Variants in DCAF6 observed in about 807,000 individuals in gnomAD.
The protein encoded by DCAF6 is DDB1- and CUL4-associated factor 6.
DCAF6 carries 54 observed loss-of-function variants against 125.1 expected under a neutral mutation model. That is an observed-to-expected ratio of 0.43 (90% CI 0.35 to 0.54). The LOEUF (loss-of-function observed/expected upper bound fraction) is 0.54. Ranked by LOEUF, DCAF6 falls within the 20% of genes least tolerant of loss-of-function variation. DCAF6 has a pLI of 0.01. For missense variants in DCAF6, 934 were observed against 1,161.7 expected (o/e 0.80, Z 2.85); for synonymous variants, 371 against 390.4 (o/e 0.95, Z 0.58).
the DCAF6 span, among the ~76,000 whole-genome samples, chr1:167,865,797 G>T: frequency 1.3e-5 from 2 of 152,190 alleles, no homozygotes; most frequent in Non-Finnish European, 2.9e-5. Context: ...TGTTATGCTT[G>T]TGCACATGGC....
chr1:167,991,479 T>A, intron 6 of DCAF6, 140 bp downstream of exon 6: 5 of 866,656 alleles, frequency 5.8e-6, no homozygotes, highest in Non-Finnish European at 8.1e-6. Context: ...TTATAAAAAA[T>A]AACATTTCAC....
At chr1:167,893,968 C>T in the DCAF6 span, 24 of 1,571,380 alleles carry the variant, frequency 1.5e-5, no homozygotes, top group Non-Finnish European at 2.1e-5. Flanking sequence ...AGGGTGCAGG[C>T]TCAGAGAGGG....
chr1:167,901,874 T>C, the DCAF6 span: 1 of 1,612,148 alleles, frequency 6.2e-7, no homozygotes, highest in Admixed American at 1.7e-5. Flanking sequence ...ATGAGATCTG[T>C]ATAGAAACTT....
At chr1:168,068,139 A>G (rs1692580525) in intron 20 of DCAF6, among the ~76,000 whole-genome samples, 1 of 152,174 alleles carries the variant, frequency 6.6e-6, no homozygotes. Flanking sequence ...TTTTTCTGCC[A>G]TTTGAAAGAG....
chr1:167,965,977 C>G (rs1676357970), intron 2 of DCAF6, among the ~76,000 whole-genome samples: 1 of 152,132 alleles, frequency 6.6e-6, no homozygotes, highest in Admixed American at 6.5e-5. Context: ...CTTTCTGAAC[C>G]TCCAACAATT....
At chr1:167,925,442 CATATATATATATATAT>C in the DCAF6 span, among the ~76,000 whole-genome samples, 65 of 82,478 alleles carry the variant, frequency 7.9e-4, 1 homozygote, top group African/African-American at 1.1e-3. Context: ...TACATATACA[CATATATATATATATAT>C]ATATATATAT....
intron 4 of DCAF6, among the ~76,000 whole-genome samples, chr1:167,981,438 G>A (rs925718293): frequency 3.9e-5 from 6 of 152,036 alleles, no homozygotes; most frequent in Non-Finnish European, 8.8e-5. Context: ...AGGTAGTATT[G>A]CATGAGGCTG....
chr1:167,966,572 T>A, intron 2 of DCAF6, 57 bp from the exon 3 acceptor site: 1 of 1,106,792 alleles, frequency 9.0e-7, no homozygotes, highest in Non-Finnish European at 1.4e-6. Flanking sequence ...GAGTGAAAGA[T>A]GGCATATTTT....
chr1:167,929,932 C>A, the DCAF6 span, among the ~76,000 whole-genome samples: 1 of 152,116 alleles, frequency 6.6e-6, no homozygotes, highest in Non-Finnish European at 1.5e-5. Flanking sequence ...CTTTTTAACA[C>A]CCCTCTTAAT....
At chr1:168,052,838 C>A (rs1558033961) in intron 17 of DCAF6, among the ~76,000 whole-genome samples, 1 of 152,154 alleles carries the variant, frequency 6.6e-6, no homozygotes, top group Non-Finnish European at 1.5e-5. Context: ...TGAGGGAGTT[C>A]TCCAACTCCT....
In DCAF6 at chr1:167,959,060, T is replaced by C. The variant is rs1557892476; in HGVS notation, c.159+7199T>C. ...ATTTATCACCCACCTTCTGAACTCCTGATGACCACTGATCTTTTTATAGTC... is the reference window on the plus strand; with the variant it reads ...ATTTATCACCCACCTTCTGAACTCCCGATGACCACTGATCTTTTTATAGTC... On this transcript the variant is annotated intron_variant, in intron 2 of 21. Coordinates refer to ENST00000367840, the MANE Select transcript of DCAF6 (RefSeq NM_001198956.2). Among the ~76,000 whole-genome samples the C allele has an allele frequency of 2.6e-5, 4 of 152,362 alleles. No homozygotes were observed. The South Asian group carries it at 8.3e-4, about 32-fold the overall frequency.
At chr1:168,058,325 G>A (rs956509203) in intron 17 of DCAF6, among the ~76,000 whole-genome samples, 17 of 152,270 alleles carry the variant, frequency 1.1e-4, no homozygotes, top group African/African-American at 4.1e-4. Flanking sequence ...TATATACCAA[G>A]GAATGGACCA....
At chr1:168,015,753 T>C (rs1476928985) in intron 10 of DCAF6, 28 bp from the exon 11 acceptor site, 1 of 1,428,638 alleles carries the variant, frequency 7.0e-7, no homozygotes, top group East Asian at 2.7e-5. Context: ...TTACTGTCTT[T>C]TCACCTTTCT....
chr1:168,038,557 C>G (rs1688121699), intron 13 of DCAF6, 69 bp downstream of exon 13: 2 of 1,108,314 alleles, frequency 1.8e-6, no homozygotes, highest in South Asian at 2.9e-5. Flanking sequence ...TAATTTTTAA[C>G]ACTTCGTCAT....
intron 6 of DCAF6, among the ~76,000 whole-genome samples, chr1:167,991,584 C>T (rs558897349): frequency 6.6e-6 from 1 of 152,218 alleles, no homozygotes; most frequent in African/African-American, 2.4e-5. Flanking sequence ...AACAAATGAC[C>T]ACAAACTGGG....
chr1:168,065,769 A>G, intron 19 of DCAF6, 23 bp downstream of exon 19: 1 of 1,597,776 alleles, frequency 6.3e-7, no homozygotes, highest in East Asian at 2.2e-5. Context: ...TTCTAGGACG[A>G]GGGCTAGAAA....
At chr1:167,946,671 T>A (rs1158317322) in intron 1 of DCAF6, among the ~76,000 whole-genome samples, 1 of 152,228 alleles carries the variant, frequency 6.6e-6, no homozygotes, top group African/African-American at 2.4e-5. Flanking sequence ...ATGTATCACA[T>A]TTATTGATTT....
chr1:167,922,532 G>A, the DCAF6 span, among the ~76,000 whole-genome samples: 1 of 151,942 alleles, frequency 6.6e-6, no homozygotes, highest in Non-Finnish European at 1.5e-5. Flanking sequence ...GAGAGAAGAA[G>A]GAAATGGTAA....
At chr1:168,033,551 T>C (rs1013144783) in intron 12 of DCAF6, among the ~76,000 whole-genome samples, 3 of 151,956 alleles carry the variant, frequency 2.0e-5, no homozygotes, top group Non-Finnish European at 4.4e-5. Flanking sequence ...TCTTCTGACC[T>C]CATGATCCAC....
Sources: gnomAD v4.1 joint callset for allele counts (sites outside exome capture counted in the v4.1 genomes callset) on GRCh38, gnomAD v4.1.1 for gene constraint, MANE v1.5 for transcripts, NCBI Gene and HGNC (gene_info 2026-07-23, HGNC 2026-07-21) for gene names.